Variants in TFEC observed in about 807,000 individuals in gnomAD.
TFEC encodes the protein transcription factor EC.
A neutral mutation model predicts 41.6 loss-of-function variants in TFEC; 31 were observed. That is an observed-to-expected ratio of 0.74 (90% confidence interval 0.56 to 1.01). The LOEUF (loss-of-function observed/expected upper bound fraction) is 1.01. TFEC is among the 50% of genes least tolerant of loss of function. The pLI is 0.00. For missense variants in TFEC, 402 were observed against 404.1 expected (o/e 0.99, Z 0.04); for synonymous variants, 143 against 140.6 (o/e 1.02, Z -0.12).
intron 6 of TFEC, among the ~76,000 whole-genome samples, chr7:115,949,565 T>A (rs1434480539): frequency 4.6e-5 from 7 of 152,104 alleles, no homozygotes; most frequent in Non-Finnish European, 8.8e-5. Context: ...AACTATCTGA[T>A]CTTTGACAAA....
chr7:116,010,513 T>G, intron 1 of TFEC, among the ~76,000 whole-genome samples: 1 of 152,168 alleles, frequency 6.6e-6, no homozygotes, highest in East Asian at 1.9e-4. Context: ...ACATATTGAA[T>G]TTTTGAAGCC....
At position 115,936,987 on chromosome 7, in the gene TFEC, T is replaced by C. The variant is rs575627664; in HGVS notation, c.*3564A>G. ...TATTCTCCATTTGATATAGGAAAAA[T>C]TCAAGAAGAAAAGGCACTAAAGAAA... On this transcript the variant is annotated 3_prime_UTR_variant, in exon 8 of 8. Coordinates refer to ENST00000265440, the MANE Select transcript of TFEC (RefSeq NM_012252.4). The C allele has an allele frequency of 5.3e-5, 8 of 151,256 alleles. No individual in the cohort carries two copies. The highest frequency in any genetic ancestry group is 6.6e-5 in the Admixed American group (1 of 15,156). 9.4% of individuals were successfully genotyped at this position (151,256 alleles called of 1,614,324 possible).
chr7:115,976,353 A>G (rs1374977598), intron 2 of TFEC, among the ~76,000 whole-genome samples: 1 of 152,162 alleles, frequency 6.6e-6, no homozygotes, highest in Non-Finnish European at 1.5e-5. Context: ...TGAACCCCGG[A>G]GGCAGAGTCT....
At chr7:116,001,556 A>G (rs941956277) in intron 1 of TFEC, among the ~76,000 whole-genome samples, 7 of 151,904 alleles carry the variant, frequency 4.6e-5, no homozygotes, top group African/African-American at 1.7e-4. Flanking sequence ...CAAAAAAAAC[A>G]TTGGGGAAAC....
intron 3 of TFEC, among the ~76,000 whole-genome samples, chr7:116,056,490 G>A (rs552202937): frequency 6.6e-5 from 10 of 152,114 alleles, no homozygotes; most frequent in Non-Finnish European, 1.5e-4. Context: ...AATGACTAGA[G>A]GTGACAGTGA....
intron 1 of TFEC, among the ~76,000 whole-genome samples, chr7:116,154,304 TC>T (rs1798824427): frequency 6.6e-6 from 1 of 152,138 alleles, no homozygotes; most frequent in Non-Finnish European, 1.5e-5. Context: ...CAAATGCACC[TC>T]CTTTTCTTTC....
At position 115,942,161 on chromosome 7, in the gene TFEC, T is replaced by C. The variant is rs569229443; in HGVS notation, c.516-121A>G. On this transcript the variant is annotated intron_variant, in intron 6 of 7. Transcript: ENST00000265440. ...TACATGACTATTATTCACTCTTAGA[T>C]ATTATTGCTTCTGAATAGAAATTTT... 4.1e-5 allele frequency: 41 copies of C among 1,009,102 alleles called. No individual in the cohort carries two copies. The South Asian group carries it at 1.1e-3, about 27-fold the overall frequency. 62.5% of individuals were successfully genotyped at this position (1,009,102 alleles called of 1,614,324 possible).
intron 1 of TFEC, among the ~76,000 whole-genome samples, chr7:116,001,403 G>A (rs1794588778): frequency 6.6e-6 from 1 of 151,600 alleles, no homozygotes; most frequent in Non-Finnish European, 1.5e-5. Flanking sequence ...GCTGAGGCAG[G>A]AAAATTGCTT....
chr7:116,051,699 TGGA>T (rs1169161841), intron 3 of TFEC, among the ~76,000 whole-genome samples: 1 of 152,178 alleles, frequency 6.6e-6, no homozygotes, highest in Non-Finnish European at 1.5e-5. Context: ...ATCTATTTCA[TGGA>T]GGAGGAGGAA....
At chr7:116,149,236 G>A (rs1220144276) in intron 1 of TFEC, among the ~76,000 whole-genome samples, 1 of 152,084 alleles carries the variant, frequency 6.6e-6, no homozygotes, top group African/African-American at 2.4e-5. Flanking sequence ...CAGCAAAGTT[G>A]ACCAAGGGGA....
rs532651875 is a variant in TFEC, at chr7:116,111,964, T to C, written c.-22+28A>G. 3.5e-3 allele frequency: 3,404 copies of C among 979,984 alleles called. 7 individuals are homozygous for C. Among genetic ancestry groups the C allele is most frequent in the Non-Finnish European group, 3.9e-3 (3,241 of 822,850 alleles). 60.7% of individuals were successfully genotyped at this position (979,984 alleles called of 1,614,324 possible). ...TTGTGGTCTTGCTGAGACAAGTCTA[T>C]GCAACACTTTGTATGAAAACTGCAT... On this transcript the variant is annotated intron_variant, in intron 2 of 8. Transcript: ENST00000484212.
chr7:116,052,310 A>AT (rs1187828909), intron 3 of TFEC, among the ~76,000 whole-genome samples: 17 of 152,078 alleles, frequency 1.1e-4, no homozygotes, highest in Admixed American at 3.3e-4. Context: ...ATTTATCAAA[A>AT]TGTGTTAAAT....
chr7:116,009,299 T>G (rs959853453), intron 1 of TFEC, among the ~76,000 whole-genome samples: 4 of 152,178 alleles, frequency 2.6e-5, no homozygotes, highest in Non-Finnish European at 5.9e-5. Flanking sequence ...ACTGTCAACT[T>G]CATTTTGGCC....
At chr7:116,080,940 A>G (rs955628203) in intron 3 of TFEC, among the ~76,000 whole-genome samples, 2 of 151,570 alleles carry the variant, frequency 1.3e-5, no homozygotes, top group Non-Finnish European at 2.9e-5. Flanking sequence ...AAGAAGCCCA[A>G]ATCCCCATCA....
chr7:115,969,833 T>C (rs1191179267), intron 3 of TFEC, among the ~76,000 whole-genome samples: 1 of 151,974 alleles, frequency 6.6e-6, no homozygotes, highest in Non-Finnish European at 1.5e-5. Flanking sequence ...TGTGAGATTC[T>C]GGAAATCTTG....
intron 3 of TFEC, among the ~76,000 whole-genome samples, chr7:116,081,065 T>C (rs7789201): frequency 0.16 from 23,570 of 151,372 alleles, 1,991 homozygotes; most frequent in East Asian, 0.33. Flanking sequence ...AATGAAATAA[T>C]GTCATTCACA....
At chr7:116,019,859 C>T (rs150430158) in intron 1 of TFEC, among the ~76,000 whole-genome samples, 21 of 152,266 alleles carry the variant, frequency 1.4e-4, no homozygotes, top group African/African-American at 4.8e-4. Flanking sequence ...AACTAAGGCT[C>T]AGAGAGATTA....
At chr7:116,024,920 T>G (rs1358158315) in intron 1 of TFEC, among the ~76,000 whole-genome samples, 1 of 152,186 alleles carries the variant, frequency 6.6e-6, no homozygotes, top group Non-Finnish European at 1.5e-5. Context: ...TTGTTGTTGT[T>G]GCTGCTATGG....
chr7:116,074,835 T>C (rs918490632), intron 3 of TFEC, among the ~76,000 whole-genome samples: 7 of 152,320 alleles, frequency 4.6e-5, no homozygotes, highest in Middle Eastern at 3.4e-3. Flanking sequence ...ATAGCAGCGT[T>C]ATTCACAATA....
Sources: allele counts gnomAD v4.1 joint callset (sites outside exome capture counted in the v4.1 genomes callset), GRCh38; gene constraint gnomAD v4.1.1; transcripts MANE v1.5; gene names NCBI Gene and HGNC (gene_info 2026-07-23, HGNC 2026-07-21).